RFX3: variants seen among roughly 807,000 people sequenced by gnomAD.
The protein encoded by RFX3 is regulatory factor X3.
RFX3 carries 14 observed loss-of-function variants against 98.6 expected under a neutral mutation model. The ratio of observed to expected loss-of-function variants is 0.14; its 90% CI spans 0.09 to 0.22. The LOEUF (loss-of-function observed/expected upper bound fraction) is 0.22, where lower values mean the gene tolerates loss of function less well. Among genes scored for constraint, RFX3 ranks in the 10% least tolerant of loss-of-function variants. The pLI, the probability that RFX3 is intolerant of heterozygous loss-of-function variation, is 1.00. For missense variants in RFX3, 639 were observed against 926.9 expected (o/e 0.69, Z 4.03); for synonymous variants, 383 against 328.4 (o/e 1.17, Z -1.80).
At chr9:3,429,962 T>C (rs528786992) in intron 1 of RFX3, among the ~76,000 whole-genome samples, 3 of 152,276 alleles carry the variant, frequency 2.0e-5, no homozygotes, top group East Asian at 3.9e-4. Context: ...TGACAACTCT[T>C]AAAGTCTCAA....
At chr9:3,470,916 G>C (rs972841413) in intron 1 of RFX3, among the ~76,000 whole-genome samples, 9 of 152,090 alleles carry the variant, frequency 5.9e-5, no homozygotes, top group Non-Finnish European at 1.0e-4. Context: ...AAGATGTTTG[G>C]GAACAGATAA....
chr9:3,423,932 G>A (rs1346826214), intron 1 of RFX3, among the ~76,000 whole-genome samples: 3 of 151,518 alleles, frequency 2.0e-5, no homozygotes, highest in Non-Finnish European at 4.4e-5. Context: ...GGGACCACAA[G>A]GTCAGGAGAT....
chr9:3,282,640 G>C (rs997577488), intron 7 of RFX3, among the ~76,000 whole-genome samples: 1 of 151,758 alleles, frequency 6.6e-6, no homozygotes, highest in African/African-American at 2.4e-5. Context: ...TCTTCATTGA[G>C]TCCTCTAAGC....
chr9:3,480,450 T>C (rs1411404997), intron 1 of RFX3, among the ~76,000 whole-genome samples: 2 of 152,190 alleles, frequency 1.3e-5, no homozygotes, highest in African/African-American at 4.8e-5. Context: ...TTGCATTCTC[T>C]TTGTTAAAAC....
At chr9:3,281,505 T>A (rs1379185961) in intron 7 of RFX3, among the ~76,000 whole-genome samples, 1 of 151,724 alleles carries the variant, frequency 6.6e-6, no homozygotes, top group African/African-American at 2.4e-5. Flanking sequence ...AGTAAACTCT[T>A]AGTACTCTTT....
chr9:3,515,499 C>G (rs552014739), intron 1 of RFX3, among the ~76,000 whole-genome samples: 13 of 152,140 alleles, frequency 8.5e-5, no homozygotes, highest in Admixed American at 3.3e-4. Context: ...CTCAAGCCCC[C>G]ACACCCGCCT....
chr9:3,366,693 C>CCTTT (rs1202997871), intron 2 of RFX3, among the ~76,000 whole-genome samples: 14,458 of 85,092 alleles, frequency 0.17, 1,459 homozygotes, highest in Non-Finnish European at 0.18. Flanking sequence ...TTCTTTCTTT[C>CCTTT]CTTTCTTTCT....
At chr9:3,490,378 C>T (rs1850637962) in intron 1 of RFX3, 2 of 878,866 alleles carry the variant, frequency 2.3e-6, no homozygotes, top group Non-Finnish European at 2.7e-6. Flanking sequence ...AATTAGTTCA[C>T]ATTAAAAATG....
At chr9:3,312,069 C>G (rs924359659) in intron 4 of RFX3, among the ~76,000 whole-genome samples, 1 of 152,088 alleles carries the variant, frequency 6.6e-6, no homozygotes, top group Non-Finnish European at 1.5e-5. Context: ...AGGTACTGAC[C>G]AGCATTTCTA....
At chr9:3,472,033 T>G (rs1848824954) in intron 1 of RFX3, among the ~76,000 whole-genome samples, 1 of 152,202 alleles carries the variant, frequency 6.6e-6, no homozygotes, top group Admixed American at 6.5e-5. Context: ...CAGAAGGGTC[T>G]TTTTTTGGAC....
rs1279780189 is a variant in RFX3 at position 3,220,895 on chromosome 9, C to CCATATA, written c.*4141_*4146dup. ...GATTCCATTAATTGATTCGTTCTAA[C>CCATATA]CATATACATGGAGGTTGTTCTGATC... On this transcript the variant is annotated 3_prime_UTR_variant, in exon 17 of 17. Transcript: ENST00000617270. The CCATATA allele has an allele frequency of 6.6e-6, 1 of 152,138 alleles. No homozygotes were observed. Among genetic ancestry groups the CCATATA allele is most frequent in the Non-Finnish European group, 1.5e-5 (1 of 68,022 alleles). The allele number at this position is 152,138 out of a possible 1,614,324, so 9.4% of individuals were successfully genotyped here.
At chr9:3,449,024 C>G (rs1041806254) in intron 1 of RFX3, among the ~76,000 whole-genome samples, 1 of 152,234 alleles carries the variant, frequency 6.6e-6, no homozygotes. Context: ...AAAAATCAGG[C>G]CCTTTGAGTT....
At chr9:3,525,198 A>C (rs1372113872) in intron 1 of RFX3, among the ~76,000 whole-genome samples, 3 of 152,190 alleles carry the variant, frequency 2.0e-5, no homozygotes, top group East Asian at 3.9e-4. Context: ...GAGGATTAAA[A>C]ATAACAAAAC....
chr9:3,249,661 T>C (rs938968524), intron 14 of RFX3, among the ~76,000 whole-genome samples: 4 of 152,114 alleles, frequency 2.6e-5, no homozygotes, highest in Admixed American at 2.6e-4. Context: ...ATCTATTTAC[T>C]AAAATAATAA....
intron 1 of RFX3, among the ~76,000 whole-genome samples, chr9:3,456,944 C>A (rs1478287742): frequency 6.6e-6 from 1 of 151,690 alleles, no homozygotes; most frequent in African/African-American, 2.4e-5. Flanking sequence ...GTCAAGAGAT[C>A]GAGACCATCC....
chr9:3,482,431 ACTTT>A (rs1350540134), intron 1 of RFX3, among the ~76,000 whole-genome samples: 1 of 152,124 alleles, frequency 6.6e-6, no homozygotes, highest in Non-Finnish European at 1.5e-5. Flanking sequence ...ACATATTTTT[ACTTT>A]CTTTGTACGT....
intron 7 of RFX3, among the ~76,000 whole-genome samples, chr9:3,287,731 C>A (rs982561048): frequency 6.6e-6 from 1 of 151,920 alleles, no homozygotes; most frequent in African/African-American, 2.4e-5. Flanking sequence ...AAATGTAAGG[C>A]ATCCCAAACA....
chr9:3,244,488 A>G (rs1489397276), intron 15 of RFX3, among the ~76,000 whole-genome samples: 3 of 152,076 alleles, frequency 2.0e-5, no homozygotes, highest in Non-Finnish European at 4.4e-5. Flanking sequence ...TGTCTGTTGC[A>G]TTTGACAGTG....
rs1564138896 is a variant in RFX3, at chr9:3,467,119, C to CATATATGTAAGTATATATGTATATACATA, written c.-9+58599_-9+58627dup. Among the ~76,000 whole-genome samples, 166 of 91,638 alleles carry CATATATGTAAGTATATATGTATATACATA rather than the reference C, an allele frequency of 1.8e-3. 1 individual carries two copies. The highest frequency in any genetic ancestry group is 0.015 in the Middle Eastern group (3 of 198). 60.1% of individuals were successfully genotyped at this position (91,638 alleles called of 152,430 possible). On this transcript the variant is annotated intron_variant, in intron 1 of 16. Coordinates refer to ENST00000617270, the MANE Select transcript of RFX3 (RefSeq NM_001282116.2). ...ATGTAAGTATATATGTATATACATA[C>CATATATGTAAGTATATATGTATATACATA]ATATATGTAAGTATATATGTATATA...
Sources: gnomAD v4.1 joint callset for allele counts (sites outside exome capture counted in the v4.1 genomes callset) on GRCh38, gnomAD v4.1.1 for gene constraint, MANE v1.5 for transcripts, NCBI Gene and HGNC (gene_info 2026-07-23, HGNC 2026-07-21) for gene names.